Variants in HPSE2 observed in about 807,000 individuals in gnomAD.
HPSE2 encodes the protein heparanase 2 (inactive), also known as inactive heparanase-2.
In HPSE2, 38 loss-of-function variants were observed where a neutral mutation model predicts 60.5. The ratio of observed to expected loss-of-function variants is 0.63; its 90% CI spans 0.48 to 0.82. HPSE2 has a LOEUF of 0.82. Ranked by LOEUF, HPSE2 falls within the 40% of genes least tolerant of loss-of-function variation. The pLI is 0.00. For missense variants in HPSE2, 713 were observed against 740.4 expected, an observed-to-expected ratio of 0.96 and a Z score of 0.43; for synonymous variants, 295 against 293.2, an observed-to-expected ratio of 1.01 and a Z score of -0.06.
At chr10:98,746,352 T>C (rs1258345899) in intron 3 of HPSE2, among the ~76,000 whole-genome samples, 1 of 152,070 alleles carries the variant, frequency 6.6e-6, no homozygotes, top group African/African-American at 2.4e-5. Context: ...AAGTATCATA[T>C]AAAATTGTAT....
the HPSE2 span, among the ~76,000 whole-genome samples, chr10:99,272,572 T>C: frequency 1.3e-5 from 2 of 150,986 alleles, no homozygotes; most frequent in African/African-American, 4.9e-5. Context: ...CTTAAACAAA[T>C]TGCAAGAAAA....
chr10:99,150,954 T>C (rs1171197809), intron 2 of HPSE2, among the ~76,000 whole-genome samples: 1 of 152,114 alleles, frequency 6.6e-6, no homozygotes, highest in East Asian at 1.9e-4. Flanking sequence ...GAACAGTCAT[T>C]GGCTGATCAC....
chr10:98,775,427 T>C (rs973527766), intron 3 of HPSE2, among the ~76,000 whole-genome samples: 1 of 152,222 alleles, frequency 6.6e-6, no homozygotes, highest in Non-Finnish European at 1.5e-5. Context: ...TAGATCACTA[T>C]GAGTATGGGG....
At chr10:99,226,393 C>G (rs1223496733) in intron 2 of HPSE2, among the ~76,000 whole-genome samples, 7 of 152,064 alleles carry the variant, frequency 4.6e-5, no homozygotes, top group Non-Finnish European at 8.8e-5. Flanking sequence ...GGTTCATTGA[C>G]AGCAGATGCA....
intron 9 of HPSE2, among the ~76,000 whole-genome samples, chr10:98,581,622 G>C (rs1382514300): frequency 5.9e-5 from 9 of 152,164 alleles, no homozygotes; most frequent in Non-Finnish European, 1.2e-4. Flanking sequence ...GGCATCCCAC[G>C]TGTAGGGTAG....
At chr10:98,850,806 C>A (rs1487008084) in intron 3 of HPSE2, among the ~76,000 whole-genome samples, 1 of 150,956 alleles carries the variant, frequency 6.6e-6, no homozygotes, top group Non-Finnish European at 1.5e-5. Flanking sequence ...GTGGATATTG[C>A]TACAGTTTGA....
At chr10:98,912,323 A>T (rs969435850) in intron 3 of HPSE2, among the ~76,000 whole-genome samples, 2 of 152,168 alleles carry the variant, frequency 1.3e-5, no homozygotes, top group Non-Finnish European at 2.9e-5. Context: ...ATTTGGTGTG[A>T]ATGTAGGTCT....
At chr10:98,768,910 G>T (rs1274936034) in intron 3 of HPSE2, among the ~76,000 whole-genome samples, 1 of 152,086 alleles carries the variant, frequency 6.6e-6, no homozygotes, top group Admixed American at 6.6e-5. Flanking sequence ...AATTAGCCAG[G>T]CTGGTGGCAA....
chr10:98,692,462 C>T (rs1041931519), intron 6 of HPSE2, among the ~76,000 whole-genome samples: 3 of 151,780 alleles, frequency 2.0e-5, no homozygotes, highest in African/African-American at 7.2e-5. Context: ...CTTACTCAAT[C>T]CATGACTCAC....
intron 3 of HPSE2, among the ~76,000 whole-genome samples, chr10:99,102,158 AC>A (rs1844025316): frequency 8.5e-6 from 1 of 118,328 alleles, no homozygotes; most frequent in Non-Finnish European, 2.1e-5. Flanking sequence ...AAATAGAGAC[AC>A]AAAAAACCCT....
intron 3 of HPSE2, among the ~76,000 whole-genome samples, chr10:99,120,715 A>T (rs890920302): frequency 1.3e-5 from 2 of 152,020 alleles, no homozygotes; most frequent in African/African-American, 4.8e-5. Context: ...CTCATGATCC[A>T]CCTGCCTCAG....
chr10:99,169,707 T>C (rs375645671), intron 2 of HPSE2, among the ~76,000 whole-genome samples: 30 of 152,096 alleles, frequency 2.0e-4, no homozygotes, highest in South Asian at 1.0e-3. Context: ...TGCAGGACAG[T>C]TGACATTCTT....
intron 9 of HPSE2, among the ~76,000 whole-genome samples, chr10:98,614,583 T>C (rs1945850145): frequency 1.3e-5 from 2 of 152,152 alleles, no homozygotes; most frequent in African/African-American, 4.8e-5. Flanking sequence ...TGAGCCACCG[T>C]GCCCGGCCTG....
chr10:98,487,547 A>T (rs377564167), intron 10 of HPSE2, among the ~76,000 whole-genome samples: 4 of 152,256 alleles, frequency 2.6e-5, no homozygotes, highest in East Asian at 3.8e-4. Context: ...AACCTTTGAA[A>T]TTCAATAAAA....
intron 3 of HPSE2, among the ~76,000 whole-genome samples, chr10:98,852,169 ATATG>A (rs1952198658): frequency 1.1e-5 from 1 of 93,802 alleles, no homozygotes; most frequent in South Asian, 4.8e-4. Flanking sequence ...GTGTGTGTAT[ATATG>A]TTTGGTTTTC....
rs907542451 is a variant in HPSE2, at chr10:99,135,950, A to G, written c.610+8288T>C. On this transcript the variant is annotated intron_variant, in intron 3 of 11. Coordinates refer to ENST00000370552, the MANE Select transcript of HPSE2 (RefSeq NM_021828.5). ...CCTTCAAAAAATCAATGAATCCAGG[A>G]GCTGTTTTTTGAAAACATCAACAAA... 1.3e-5 allele frequency among the ~76,000 whole-genome samples: 2 copies of G among 152,094 alleles called. 1 individual carries two copies. Among genetic ancestry groups the G allele is most frequent in the East Asian group, 3.8e-4 (2 of 5,196 alleles).
In HPSE2 at chr10:99,094,935, C is replaced by A. The variant is rs965990538; in HGVS notation, c.610+49303G>T. On this transcript the variant is annotated intron_variant, in intron 3 of 11. Transcript: ENST00000370552. ...GGTCACAGTGGCTCACACCTATAAT[C>A]CCAGCACTTTGGGAGGCCAAGGTGG... Among the ~76,000 whole-genome samples the A allele has an allele frequency of 2.6e-5, 4 of 151,996 alleles. No individual in the cohort carries two copies. In the East Asian group the frequency reaches 7.8e-4, roughly 30 times the overall value.
At chr10:98,715,926 A>G (rs1948778959) in intron 5 of HPSE2, among the ~76,000 whole-genome samples, 1 of 152,038 alleles carries the variant, frequency 6.6e-6, no homozygotes, top group Non-Finnish European at 1.5e-5. Flanking sequence ...CTTTCATGGA[A>G]GACTTCTCTG....
At chr10:98,563,203 T>C (rs1286665867) in intron 9 of HPSE2, among the ~76,000 whole-genome samples, 2 of 152,188 alleles carry the variant, frequency 1.3e-5, no homozygotes, top group Non-Finnish European at 2.9e-5. Context: ...TAAAACATGG[T>C]ATATCCATGT....
Sources: gnomAD v4.1 joint callset for allele counts (sites outside exome capture counted in the v4.1 genomes callset) on GRCh38, gnomAD v4.1.1 for gene constraint, MANE v1.5 for transcripts, NCBI Gene and HGNC (gene_info 2026-07-23, HGNC 2026-07-21) for gene names.